LRRCC1: variants seen among roughly 807,000 people sequenced by gnomAD.
LRRCC1 encodes leucine rich repeat and coiled-coil centrosomal protein 1, also known as leucine-rich repeat and coiled-coil domain-containing protein 1.
Under a neutral mutation model 126.0 loss-of-function variants are expected in LRRCC1, and 115 were observed. That is an observed-to-expected ratio of 0.91 (90% CI 0.78 to 1.07). LRRCC1 has a LOEUF of 1.07. Ranked by LOEUF, LRRCC1 falls within the 50% of genes least tolerant of loss-of-function variation. The pLI, the probability that LRRCC1 is intolerant of heterozygous loss-of-function variation, is 0.00. For missense variants in LRRCC1, 1,172 were observed against 1,175.7 expected, an observed-to-expected ratio of 1.00 and a Z score of 0.05; for synonymous variants, 400 against 393.4, an observed-to-expected ratio of 1.02 and a Z score of -0.20.
In LRRCC1 at chr8:85,107,309, CGGCGGT is replaced by C. The variant is rs773342260; in HGVS notation, c.17_22del (p.Ala6_Val7del). 30 of 1,611,598 alleles carry C rather than the reference CGGCGGT, an allele frequency of 1.9e-5. No individual in the cohort carries two copies. The highest frequency in any genetic ancestry group is 9.3e-6 in the Non-Finnish European group (11 of 1,179,226). On this transcript the variant is annotated inframe_deletion, in exon 1 of 19. Transcript: ENST00000360375. ...GTCGCCAGTGCTATGGAGGCGGCGG[CGGCGGT>C]GGTGGCGGCAGAGGCGGAAGTGGAA...
At chr8:85,110,869 A>G (rs948550267) in intron 3 of LRRCC1, among the ~76,000 whole-genome samples, 13 of 152,234 alleles carry the variant, frequency 8.5e-5, no homozygotes, top group African/African-American at 2.7e-4. Flanking sequence ...TAAAACTCGC[A>G]GAATTCCTCT....
chr8:85,138,231 GAA>G lies in LRRCC1; in HGVS notation c.2693_2694del (p.Lys898SerfsTer11). On this transcript the variant is annotated frameshift_variant, in exon 16 of 19. Coordinates refer to ENST00000360375, the MANE Select transcript of LRRCC1 (RefSeq NM_033402.5). LOFTEE classifies it high-confidence loss of function. The stretch of plus-strand genomic sequence containing the variant: ...AAGGAAGTAGAACTTGAAGAAATCA[GAA>G]AAGCTTACAGGTATTATATAGTACA... The G allele has an allele frequency of 6.2e-7, 1 of 1,606,480 alleles. No individual in the cohort carries two copies. Among genetic ancestry groups the G allele is most frequent in the South Asian group, 1.1e-5 (1 of 89,192 alleles).
At position 85,145,525 on chromosome 8, in the gene LRRCC1, G is replaced by A. The variant is rs1294087533; in HGVS notation, c.*14G>A. 3 of 1,566,058 alleles carry A rather than the reference G, an allele frequency of 1.9e-6. No individual in the cohort carries two copies. The highest frequency in any genetic ancestry group is 2.6e-6 in the Non-Finnish European group (3 of 1,163,646). ...CAAGATATGTGATGGTTCTGAGAAT[G>A]AATTTAATTGAAATAGACCAGCAGA... is the stretch of plus-strand genomic sequence containing the variant. On this transcript the variant is annotated 3_prime_UTR_variant, in exon 19 of 19. Transcript: ENST00000360375.
At chr8:85,121,806 T>C (rs931112735) in intron 6 of LRRCC1, among the ~76,000 whole-genome samples, 2 of 152,238 alleles carry the variant, frequency 1.3e-5, no homozygotes, top group African/African-American at 4.8e-5. Flanking sequence ...CTTGAAACAG[T>C]CTACTTAGAG....
chr8:85,144,470 A>T (rs1374178335), intron 18 of LRRCC1, among the ~76,000 whole-genome samples: 309 of 17,964 alleles, frequency 0.017, 3 homozygotes, highest in African/African-American at 0.09. Flanking sequence ...ATATATATAT[A>T]TATATTTTTT....
chr8:85,137,901 T>G, intron 15 of LRRCC1, 134 bp from the exon 16 acceptor site: 1 of 573,538 alleles, frequency 1.7e-6, no homozygotes, highest in Non-Finnish European at 3.0e-6. Context: ...AATTAAGGGT[T>G]AGGAGTCACA....
chr8:85,134,916 C>T lies in LRRCC1; in HGVS notation c.2038C>T (p.Arg680Ter), dbSNP rs368500807. The change falls in exon 13 of 19, where the codon CGA (arginine) becomes TGA (stop). Residue 680 changes from arginine (R) to a stop codon, truncating the protein, a stop_gained. Transcript: ENST00000360375. LOFTEE classifies it high-confidence loss of function. ...CAAACATGCTCTTATTTGGGCTCAA[C>T]GAAAAGAAAATGAGTCTTCCTCTTT... The part of the protein sequence containing the change: ...KSKHALIWAQ[R>*]KENESSSLIK... 21 of 1,594,928 alleles carry T rather than the reference C, an allele frequency of 1.3e-5. No individual in the cohort carries two copies. Among genetic ancestry groups the T allele is most frequent in the African/African-American group, 9.5e-5 (7 of 73,538 alleles).
intron 15 of LRRCC1, 117 bp downstream of exon 15, chr8:85,137,744 A>C: frequency 2.9e-6 from 2 of 690,720 alleles, no homozygotes; most frequent in Non-Finnish European, 2.2e-6. Flanking sequence ...TTTGGGGTAG[A>C]TATCATGCAT....
chr8:85,142,841 A>AG (rs1157274959), intron 18 of LRRCC1, among the ~76,000 whole-genome samples: 1 of 85,902 alleles, frequency 1.2e-5, no homozygotes, highest in Non-Finnish European at 2.6e-5. Flanking sequence ...CAAAAAAAAA[A>AG]AAAAAAGAAA....
chr8:85,141,256 T>C, intron 17 of LRRCC1, 126 bp from the exon 18 acceptor site: 1 of 660,564 alleles, frequency 1.5e-6, no homozygotes. Context: ...GCCTTTGATA[T>C]TTTCATAATA....
intron 6 of LRRCC1, 117 bp from the exon 7 acceptor site, chr8:85,123,296 A>G: frequency 1.5e-6 from 1 of 685,792 alleles, no homozygotes; most frequent in South Asian, 2.1e-5. Flanking sequence ...AATATCAAAC[A>G]TTTCTAGTTT....
At chr8:85,121,987 G>A (rs1452943395) in intron 6 of LRRCC1, among the ~76,000 whole-genome samples, 4 of 152,206 alleles carry the variant, frequency 2.6e-5, no homozygotes, top group South Asian at 2.1e-4. Context: ...ATGTTGTAGC[G>A]TTACATCTGT....
chr8:85,140,449 T>C (rs1235079278), intron 17 of LRRCC1, among the ~76,000 whole-genome samples: 5 of 152,208 alleles, frequency 3.3e-5, no homozygotes, highest in African/African-American at 7.2e-5. Flanking sequence ...AAAAGGCTTT[T>C]GATGCATGTT....
At chr8:85,142,824 C>T (rs1193142594) in intron 18 of LRRCC1, among the ~76,000 whole-genome samples, 4 of 128,980 alleles carry the variant, frequency 3.1e-5, no homozygotes, top group African/African-American at 5.9e-5. Context: ...GGAGCGAGAC[C>T]CTGTCTCAAA....
intron 8 of LRRCC1, among the ~76,000 whole-genome samples, chr8:85,125,519 A>T (rs1432300357): frequency 1.3e-5 from 2 of 149,434 alleles, no homozygotes; most frequent in African/African-American, 5.0e-5. Context: ...TAAAAATACA[A>T]AAAATTAGCC....
intron 17 of LRRCC1, among the ~76,000 whole-genome samples, chr8:85,139,207 G>A (rs1474349167): frequency 2.0e-5 from 3 of 152,154 alleles, no homozygotes; most frequent in Non-Finnish European, 4.4e-5. Flanking sequence ...AGCTCCTGAG[G>A]AGGCTGGAGC....
intron 18 of LRRCC1, among the ~76,000 whole-genome samples, chr8:85,142,380 C>G (rs1379165954): frequency 6.6e-6 from 1 of 152,136 alleles, no homozygotes; most frequent in Non-Finnish European, 1.5e-5. Context: ...TTTAATTCCA[C>G]AGGTGATTCT....
At chr8:85,131,524 T>G (rs1810467211) in intron 11 of LRRCC1, among the ~76,000 whole-genome samples, 1 of 152,212 alleles carries the variant, frequency 6.6e-6, no homozygotes, top group South Asian at 2.1e-4. Flanking sequence ...TTCTGAACTA[T>G]CTCATGAAGT....
At chr8:85,117,908 G>T (rs1809244486) in intron 6 of LRRCC1, among the ~76,000 whole-genome samples, 1 of 151,948 alleles carries the variant, frequency 6.6e-6, no homozygotes, top group South Asian at 2.1e-4. Flanking sequence ...TATTTTTTAG[G>T]TGTTTTCTTT....
Sources: gnomAD v4.1 joint callset for allele counts (sites outside exome capture counted in the v4.1 genomes callset) on GRCh38, gnomAD v4.1.1 for gene constraint, MANE v1.5 for transcripts, NCBI Gene and HGNC (gene_info 2026-07-23, HGNC 2026-07-21) for gene names.